Variants in AKAP7 observed in about 807,000 individuals in gnomAD.
AKAP7 encodes A-kinase anchoring protein 7.
A neutral mutation model predicts 39.5 loss-of-function variants in AKAP7; 39 were observed. The ratio of observed to expected loss-of-function variants is 0.99; its 90% CI spans 0.76 to 1.29. AKAP7 has a LOEUF of 1.29. Ranked by LOEUF, AKAP7 falls within the 50% of genes most tolerant of loss-of-function variation. The pLI is 0.00. For missense variants in AKAP7, 414 were observed against 407.7 expected (o/e 1.02, Z -0.13); for synonymous variants, 140 against 139.1 (o/e 1.01, Z -0.05).
intron 2 of AKAP7, among the ~76,000 whole-genome samples, chr6:131,151,168 G>A (rs890120188): frequency 6.6e-6 from 1 of 151,478 alleles, no homozygotes; most frequent in African/African-American, 2.4e-5. Context: ...TCAGCCTCCC[G>A]AGTAGCTGGG....
At chr6:131,242,030 T>A in intron 7 of AKAP7, 1 of 973,878 alleles carries the variant, frequency 1.0e-6, no homozygotes, top group Non-Finnish European at 1.2e-6. Context: ...TCTTTTTTAA[T>A]TAACCCACAG....
At chr6:131,215,460 G>A (rs1809086179) in intron 6 of AKAP7, among the ~76,000 whole-genome samples, 1 of 152,248 alleles carries the variant, frequency 6.6e-6, no homozygotes, top group South Asian at 2.1e-4. Context: ...GGCTGGGGTG[G>A]AACTGAGCCT....
chr6:131,244,599 G>A (rs1422410381), intron 7 of AKAP7, among the ~76,000 whole-genome samples: 1 of 152,172 alleles, frequency 6.6e-6, no homozygotes, highest in East Asian at 1.9e-4. Context: ...TATCCATGCC[G>A]TTAAATGTTG....
At chr6:131,134,484 T>G (rs1308260536), upstream of AKAP7, among the ~76,000 whole-genome samples, 1 of 152,208 alleles carries the variant, frequency 6.6e-6, no homozygotes, top group Non-Finnish European at 1.5e-5. Flanking sequence ...TTTTTGCAGC[T>G]TTTATTTCCG....
intron 7 of AKAP7, among the ~76,000 whole-genome samples, chr6:131,273,722 C>G (rs149612464): frequency 6.6e-6 from 1 of 152,116 alleles, no homozygotes; most frequent in Admixed American, 6.6e-5. Context: ...TTTTTACTTA[C>G]GTATGTACAG....
chr6:131,237,899 A>G (rs1811207522), intron 7 of AKAP7, among the ~76,000 whole-genome samples: 1 of 151,616 alleles, frequency 6.6e-6, no homozygotes, highest in Non-Finnish European at 1.5e-5. Context: ...TTGTGTCTCT[A>G]TTTCCTTCAG....
At chr6:131,167,327 G>A (rs1005612625) in intron 4 of AKAP7, among the ~76,000 whole-genome samples, 2 of 152,024 alleles carry the variant, frequency 1.3e-5, no homozygotes, top group African/African-American at 4.8e-5. Context: ...CTAGAGAACT[G>A]GAAAAATGGA....
intron 6 of AKAP7, 137 bp downstream of exon 6, chr6:131,199,710 TC>T: frequency 1.4e-6 from 1 of 730,630 alleles, no homozygotes; most frequent in Non-Finnish European, 2.3e-6. Context: ...TGGTTCCAAT[TC>T]CCAGGGGTGC....
chr6:131,256,057 G>T (rs750178191), intron 7 of AKAP7, among the ~76,000 whole-genome samples: 1 of 152,170 alleles, frequency 6.6e-6, no homozygotes, highest in Non-Finnish European at 1.5e-5. Flanking sequence ...GGATTTCTCA[G>T]TTACAGTCTC....
At chr6:131,274,385 A>C (rs1814570431) in intron 7 of AKAP7, among the ~76,000 whole-genome samples, 1 of 152,018 alleles carries the variant, frequency 6.6e-6, no homozygotes, top group Non-Finnish European at 1.5e-5. Flanking sequence ...TTCCCTAATT[A>C]AATTGGTGCC....
In AKAP7 at chr6:131,236,081, A is replaced by G. The variant is rs1811031447; in HGVS notation, c.850+16273A>G. 8.5e-5 allele frequency among the ~76,000 whole-genome samples: 13 copies of G among 152,310 alleles called. No homozygotes were observed. In the South Asian group the frequency reaches 2.7e-3, roughly 32 times the overall value. On this transcript the variant is annotated intron_variant, in intron 7 of 7. Coordinates refer to ENST00000431975, the MANE Select transcript of AKAP7 (RefSeq NM_016377.4). ...TAATCCAACTTGAATTAATTTTTGT[A>G]TAAGGTGTAAAGAAGGGATCCAGTT...
At chr6:131,154,702 T>A (rs1363268142) in intron 2 of AKAP7, among the ~76,000 whole-genome samples, 1 of 152,136 alleles carries the variant, frequency 6.6e-6, no homozygotes, top group African/African-American at 2.4e-5. Context: ...ATACTGGTAA[T>A]TCTTAATGTC....
chr6:131,150,609 G>A (rs1801835810), intron 2 of AKAP7, among the ~76,000 whole-genome samples: 1 of 151,958 alleles, frequency 6.6e-6, no homozygotes, highest in African/African-American at 2.4e-5. Context: ...CTTTTATTTT[G>A]TTAAAAAAAT....
chr6:131,179,136 T>A (rs753337021), intron 5 of AKAP7, among the ~76,000 whole-genome samples: 4 of 151,826 alleles, frequency 2.6e-5, no homozygotes, highest in African/African-American at 7.3e-5. Context: ...ATAGGTCTCA[T>A]CACAGGTTGT....
chr6:131,163,420 A>G (rs537200297), intron 3 of AKAP7, among the ~76,000 whole-genome samples: 30 of 152,228 alleles, frequency 2.0e-4, no homozygotes, highest in Non-Finnish European at 3.1e-4. Flanking sequence ...TGGGAAAAGA[A>G]TTAGCATTTA....
chr6:131,174,261 A>G (rs1047137641), intron 5 of AKAP7, among the ~76,000 whole-genome samples: 19 of 152,338 alleles, frequency 1.2e-4, no homozygotes, highest in Non-Finnish European at 2.1e-4. Context: ...TTGAATATAC[A>G]TGGAAAACTT....
intron 5 of AKAP7, among the ~76,000 whole-genome samples, chr6:131,175,462 G>A (rs1804488025): frequency 6.6e-6 from 1 of 152,120 alleles, no homozygotes; most frequent in African/African-American, 2.4e-5. Flanking sequence ...AGGAAAAAAG[G>A]AACCAATTTC....
chr6:131,280,622 G>A (rs2128340856), intron 7 of AKAP7, among the ~76,000 whole-genome samples: 1 of 152,236 alleles, frequency 6.6e-6, no homozygotes, highest in South Asian at 2.1e-4. Context: ...TGACTTCTTT[G>A]CTTCCAACCT....
At chr6:131,243,625 T>A (rs980996161) in intron 7 of AKAP7, among the ~76,000 whole-genome samples, 2 of 152,236 alleles carry the variant, frequency 1.3e-5, no homozygotes, top group African/African-American at 2.4e-5. Context: ...TACCTTTTAT[T>A]TGAAGCTTGA....
Sources: allele counts gnomAD v4.1 joint callset (sites outside exome capture counted in the v4.1 genomes callset), GRCh38; gene constraint gnomAD v4.1.1; transcripts MANE v1.5; gene names NCBI Gene and HGNC (gene_info 2026-07-23, HGNC 2026-07-21).